The following NFIB variants were observed in gnomAD, a reference collection of about 807,000 sequenced individuals.
NFIB encodes nuclear factor 1 B-type.
NFIB carries 11 observed loss-of-function variants against 61.5 expected under a neutral mutation model. The observed-to-expected ratio is 0.18, with a 90% confidence interval of 0.11 to 0.30. The LOEUF (loss-of-function observed/expected upper bound fraction) is 0.30, where lower values mean the gene tolerates loss of function less well. Among genes scored for constraint, NFIB ranks in the 10% least tolerant of loss-of-function variants. The pLI is 1.00. For synonymous variants in NFIB, 260 were observed against 216.5 expected (o/e 1.20, Z -1.76); for missense variants, 471 against 608.9 (o/e 0.77, Z 2.38).
the NFIB span, among the ~76,000 whole-genome samples, chr9:14,505,238 C>T: frequency 2.0e-5 from 3 of 152,212 alleles, no homozygotes; most frequent in African/African-American, 4.8e-5. Context: ...TTTTGACATG[C>T]TGTTGGATTT....
the NFIB span, among the ~76,000 whole-genome samples, chr9:14,483,902 C>G: frequency 6.6e-6 from 1 of 152,148 alleles, no homozygotes; most frequent in African/African-American, 2.4e-5. Context: ...ACATTTTATT[C>G]TTGGCACAAG....
At chr9:14,130,047 A>C (rs564765236) in intron 6 of NFIB, among the ~76,000 whole-genome samples, 1 of 152,322 alleles carries the variant, frequency 6.6e-6, no homozygotes, top group Non-Finnish European at 1.5e-5. Flanking sequence ...TGATTTTAGA[A>C]GAAAAAACTT....
At chr9:14,462,932 A>C in the NFIB span, among the ~76,000 whole-genome samples, 1 of 152,208 alleles carries the variant, frequency 6.6e-6, no homozygotes, top group African/African-American at 2.4e-5. Flanking sequence ...CATTTGTTTC[A>C]AAGGCTGATT....
chr9:14,090,182 G>C (rs1237586473), intron 10 of NFIB, among the ~76,000 whole-genome samples: 1 of 152,056 alleles, frequency 6.6e-6, no homozygotes, highest in African/African-American at 2.4e-5. Context: ...TTTAAAATTA[G>C]ATCTACTTAG....
the NFIB span, among the ~76,000 whole-genome samples, chr9:14,404,491 G>A: frequency 6.6e-6 from 1 of 152,154 alleles, no homozygotes; most frequent in Admixed American, 6.5e-5. Flanking sequence ...TTTCCTACCA[G>A]CTTGCCATTG....
the NFIB span, among the ~76,000 whole-genome samples, chr9:14,494,160 G>T: frequency 2.0e-5 from 3 of 152,064 alleles, no homozygotes; most frequent in Non-Finnish European, 2.9e-5. Flanking sequence ...TTAGGCAAGT[G>T]GTATTTGTCC....
intron 2 of NFIB, among the ~76,000 whole-genome samples, chr9:14,195,690 G>C (rs553098992): frequency 2.6e-5 from 4 of 152,232 alleles, no homozygotes; most frequent in Admixed American, 1.3e-4. Context: ...CCTCACATTA[G>C]ACTCCCATTC....
At chr9:14,382,723 T>C (rs1412322483) in intron 1 of NFIB, among the ~76,000 whole-genome samples, 2 of 151,922 alleles carry the variant, frequency 1.3e-5, no homozygotes, top group East Asian at 1.9e-4. Context: ...TGTCTATCAA[T>C]AGGATAACCA....
intron 6 of NFIB, among the ~76,000 whole-genome samples, chr9:14,144,082 A>C (rs2042041056): frequency 6.6e-6 from 1 of 150,852 alleles, no homozygotes; most frequent in Admixed American, 6.7e-5. Context: ...TCTAAACATA[A>C]TATGCCTTTA....
chr9:14,279,400 C>T (rs1487977744), intron 2 of NFIB, among the ~76,000 whole-genome samples: 1 of 152,074 alleles, frequency 6.6e-6, no homozygotes, highest in Non-Finnish European at 1.5e-5. Context: ...TTCACACAAA[C>T]ATTTTACCTA....
intron 1 of NFIB, chr9:14,398,416 T>TTC: frequency 1.3e-6 from 1 of 754,808 alleles, no homozygotes; most frequent in Non-Finnish European, 2.1e-6. Context: ...AGGAAGGACC[T>TTC]TCTCTAGAGC....
upstream of NFIB, among the ~76,000 whole-genome samples, chr9:14,318,138 A>T (rs569066361): frequency 1.7e-4 from 26 of 152,326 alleles, no homozygotes; most frequent in Non-Finnish European, 2.2e-4. Flanking sequence ...CAGCAACAGG[A>T]AACTCTGTTA....
chr9:14,475,313 T>C, the NFIB span, among the ~76,000 whole-genome samples: 1 of 152,298 alleles, frequency 6.6e-6, no homozygotes, highest in East Asian at 1.9e-4. Flanking sequence ...GCTTCTCAAG[T>C]TCCCCTCAAG....
rs543555094 is a variant in NFIB at position 14,313,760 on chromosome 9, G to C, written c.-249C>G. ...TACACTTTTAACCCTCTTGCAGTCCGAGCGCGCTGGCCGTGCTTGCCGAGG... is the reference window on the plus strand; with the variant it reads ...TACACTTTTAACCCTCTTGCAGTCCCAGCGCGCTGGCCGTGCTTGCCGAGG... On this transcript the variant is annotated 5_prime_UTR_variant, in exon 1 of 11. Coordinates refer to ENST00000380953, the MANE Select transcript of NFIB (RefSeq NM_001190737.2). This position sits in a 1 kb window ranked among gnomAD's most constrained non-coding sequence, Gnocchi z 4.5. 1.2e-5 allele frequency: 16 copies of C among 1,352,810 alleles called. No individual in the cohort carries two copies. In the African/African-American group the frequency reaches 1.2e-4, roughly 10 times the overall value. The allele number at this position is 1,352,810 out of a possible 1,614,324, so 83.8% of individuals were successfully genotyped here. A position where few individuals can be genotyped will look rare whatever the true frequency, so the allele number is the denominator to read the frequency against.
chr9:14,341,832 G>A (rs1344669752), intron 1 of NFIB, among the ~76,000 whole-genome samples: 3 of 152,018 alleles, frequency 2.0e-5, no homozygotes, highest in Non-Finnish European at 4.4e-5. Flanking sequence ...GCAACAGTCG[G>A]GCTAGGACAG....
At chr9:14,137,047 C>A (rs2041134024) in intron 6 of NFIB, among the ~76,000 whole-genome samples, 1 of 152,100 alleles carries the variant, frequency 6.6e-6, no homozygotes, top group Non-Finnish European at 1.5e-5. Flanking sequence ...TCATCAGTAA[C>A]AAAACCTCTA....
chr9:14,370,459 G>A (rs905978937), intron 1 of NFIB, among the ~76,000 whole-genome samples: 1 of 152,196 alleles, frequency 6.6e-6, no homozygotes, highest in Admixed American at 6.5e-5. Flanking sequence ...ATGATAAGAG[G>A]AAGCCAAATC....
chr9:14,228,048 T>G (rs1476084662), intron 2 of NFIB, among the ~76,000 whole-genome samples: 2 of 152,204 alleles, frequency 1.3e-5, no homozygotes. Flanking sequence ...CATACAACTT[T>G]GCATTTTCTA....
the NFIB span, among the ~76,000 whole-genome samples, chr9:14,464,230 T>C: frequency 2.0e-5 from 3 of 152,208 alleles, no homozygotes; most frequent in South Asian, 2.1e-4. Flanking sequence ...ATTTCCACTA[T>C]CTCATTTATG....
Sources: gnomAD v4.1 joint callset for allele counts (sites outside exome capture counted in the v4.1 genomes callset) on GRCh38, gnomAD v4.1.1 for gene constraint, Gnocchi (gnomAD v3.1) non-coding constraint, MANE v1.5 for transcripts, NCBI Gene and HGNC (gene_info 2026-07-23, HGNC 2026-07-21) for gene names.